RBM43: variants seen among roughly 807,000 people sequenced by gnomAD.
RBM43 encodes the protein RNA binding motif protein 43.
In RBM43, 12 loss-of-function variants were observed where a neutral mutation model predicts 12.4. The ratio of observed to expected loss-of-function variants is 0.97; its 90% CI spans 0.62 to 1.57. The LOEUF (loss-of-function observed/expected upper bound fraction) is 1.57. Ranked by LOEUF, RBM43 falls within the 40% of genes most tolerant of loss-of-function variation. The pLI is 0.00. For missense variants in RBM43, 348 were observed against 400.1 expected (o/e 0.87, Z 1.11); for synonymous variants, 138 against 145.7 (o/e 0.95, Z 0.38).
chr2:151,260,109 T>A (rs403411), intron 1 of RBM43, among the ~76,000 whole-genome samples: 10 of 150,926 alleles, frequency 6.6e-5, no homozygotes, highest in South Asian at 2.1e-4. Flanking sequence ...CGTGATCCGC[T>A]CCCCCCTCGG....
chr2:151,253,231 C>T (rs1345493182), intron 2 of RBM43, among the ~76,000 whole-genome samples: 1 of 152,142 alleles, frequency 6.6e-6, no homozygotes, highest in African/African-American at 2.4e-5. Flanking sequence ...CTTCCTAATC[C>T]TCCTCTCTTC....
At position 151,251,396 on chromosome 2, in the gene RBM43, T is replaced by A. The variant is rs770893916; in HGVS notation, c.584A>T (p.Asn195Ile). Residue 195 changes from asparagine to isoleucine, a missense_variant, in exon 4 of 4, where the codon AAT (asparagine) becomes ATT (isoleucine). By Grantham distance (149) the Asn-to-Ile change is moderately radical (BLOSUM62 -3). Transcript: ENST00000331426. ...CAAAGAGTTATTACTTCTCTGTAGATTCCTCTGGGGATTTTGTCTATTCCA... is the reference window on the plus strand; with the variant it reads ...CAAAGAGTTATTACTTCTCTGTAGAATCCTCTGGGGATTTTGTCTATTCCA... Reference protein sequence around the residue: ...RKWNRQNPQRNLQRSNNSLAS... With the variant: ...RKWNRQNPQRILQRSNNSLAS... The A allele has an allele frequency of 6.2e-7, 1 of 1,614,238 alleles. No individual in the cohort carries two copies. The highest frequency in any genetic ancestry group is 1.1e-5 in the South Asian group (1 of 91,090).
chr2:151,261,613 G>A, intron 1 of RBM43, 112 bp downstream of exon 1: 3 of 1,541,542 alleles, frequency 1.9e-6, no homozygotes, highest in Non-Finnish European at 2.6e-6. Flanking sequence ...GCCCCCTCCC[G>A]CGCAGCCCTG....
At position 151,255,762 on chromosome 2, in the gene RBM43, G is replaced by A. The variant is rs1221231286; in HGVS notation, c.4-19C>T. 3 of 1,550,012 alleles carry A rather than the reference G, an allele frequency of 1.9e-6. No homozygotes were observed. Among genetic ancestry groups the A allele is most frequent in the East Asian group, 2.2e-5 (1 of 44,542 alleles). ...CTGATGCCTGTAAGAGAAACAGCAG[G>A]TTATTCTTTAAAAACACAAGACTCT... is the stretch of plus-strand genomic sequence containing the variant. On this transcript the variant is annotated intron_variant, in intron 1 of 3. Coordinates refer to ENST00000331426, the MANE Select transcript of RBM43 (RefSeq NM_198557.3).
At chr2:151,259,076 G>A (rs926060292) in intron 1 of RBM43, among the ~76,000 whole-genome samples, 2 of 151,904 alleles carry the variant, frequency 1.3e-5, no homozygotes, top group African/African-American at 4.8e-5. Flanking sequence ...CTGGGAGGTA[G>A]AGGTTATAGT....
chr2:151,251,839 T>C (rs545437185), intron 3 of RBM43, among the ~76,000 whole-genome samples, 175 bp from the exon 4 acceptor site: 1 of 152,342 alleles, frequency 6.6e-6, no homozygotes, highest in African/African-American at 2.4e-5. Flanking sequence ...AGTTATCCCA[T>C]TTTGTTCAAT....
intron 1 of RBM43, among the ~76,000 whole-genome samples, chr2:151,260,343 C>T (rs564763133): frequency 1.5e-4 from 23 of 152,102 alleles, no homozygotes; most frequent in African/African-American, 5.3e-4. Context: ...CGCCCTCCTT[C>T]GCCTCCCAAA....
chr2:151,255,788 A>G (rs1418890605), intron 1 of RBM43, 45 bp from the exon 2 acceptor site: 1 of 1,328,410 alleles, frequency 7.5e-7, no homozygotes, highest in Admixed American at 1.7e-5. Context: ...ACAAGACTCT[A>G]TATAATAAAG....
chr2:151,259,138 C>CA (rs10671212), intron 1 of RBM43, among the ~76,000 whole-genome samples: 5,873 of 140,214 alleles, frequency 0.042, 350 homozygotes, highest in African/African-American at 0.14. Context: ...ACTTCGTCCC[C>CA]AAAAAAAAAA....
intron 1 of RBM43, among the ~76,000 whole-genome samples, chr2:151,256,025 G>A (rs1217107254): frequency 6.6e-6 from 1 of 152,116 alleles, no homozygotes; most frequent in Non-Finnish European, 1.5e-5. Flanking sequence ...GCAGTGGTAT[G>A]ATCTCAGCTC....
Position 151,257,647 on chromosome 2 carries a change from C to T in RBM43, c.4-1904G>A, listed in dbSNP as rs538527684. Among the ~76,000 whole-genome samples, 16 of 151,730 alleles carry T rather than the reference C, an allele frequency of 1.1e-4. No homozygotes were observed. The East Asian group carries it at 1.2e-3, about 11-fold the overall frequency. ...GGCGGAGGTTGGGGTGAGCCGAGAT[C>T]GCCCCATTTCACTCCATCCTGGGCA... On this transcript the variant is annotated intron_variant, in intron 1 of 3. Transcript: ENST00000331426.
intron 1 of RBM43, chr2:151,261,122 C>G: frequency 9.2e-7 from 1 of 1,092,294 alleles, no homozygotes; most frequent in Non-Finnish European, 1.3e-6. Flanking sequence ...AAAGGCCTTG[C>G]CAAGGCTTTT....
intron 1 of RBM43, among the ~76,000 whole-genome samples, chr2:151,257,347 C>T (rs1463975599): frequency 6.6e-6 from 1 of 152,204 alleles, no homozygotes; most frequent in Admixed American, 6.5e-5. Context: ...CACACACACA[C>T]ACACAGTGTC....
rs781517514 is a variant in RBM43, at chr2:151,250,914, C to A, written c.1066G>T (p.Val356Phe). 9 of 1,590,474 alleles carry A rather than the reference C, an allele frequency of 5.7e-6. No homozygotes were observed. The highest frequency in any genetic ancestry group is 1.7e-6 in the Non-Finnish European group (2 of 1,168,954). Residue 356 changes from valine (V) to phenylalanine (F), a missense_variant, in exon 4 of 4, where the codon GTT becomes TTT. Coordinates refer to ENST00000331426, the MANE Select transcript of RBM43 (RefSeq NM_198557.3). ...ATATTGCTGAGATTTTATTAACTAA[C>A]CTTTTGCCCTATTAATTTCATGACC... is the stretch of plus-strand genomic sequence containing the variant. ...KGVMKLIGQK[V>F]S
chr2:151,257,817 C>T (rs1682994124), intron 1 of RBM43, among the ~76,000 whole-genome samples: 1 of 152,214 alleles, frequency 6.6e-6, no homozygotes, highest in Non-Finnish European at 1.5e-5. Flanking sequence ...CGCCTGTAAT[C>T]CCAGCACTTT....
chr2:151,251,040 C>T lies in RBM43; in HGVS notation c.940G>A (p.Glu314Lys). The T allele has an allele frequency of 6.2e-7, 1 of 1,614,058 alleles. No individual in the cohort carries two copies. Among genetic ancestry groups the T allele is most frequent in the Non-Finnish European group, 8.5e-7 (1 of 1,179,948 alleles). The change falls in exon 4 of 4, where the codon GAA becomes AAA. Residue 314 changes from glutamate to lysine, a missense_variant. By Grantham distance (56) the Glu-to-Lys change is moderately conservative (BLOSUM62 1). Transcript: ENST00000331426. ...TCAAGGTATCTCGAACTTAATTGTT[C>T]ACATGCCCTTTTGATCATTCTTTTC... ...REKRMIKRAC[E>K]QLSSRYLEVL... is the part of the protein sequence containing the mutation.
chr2:151,260,924 T>C (rs942013358), intron 1 of RBM43: 5 of 299,650 alleles, frequency 1.7e-5, no homozygotes, highest in Non-Finnish European at 3.3e-5. Flanking sequence ...AAAAAGTATA[T>C]AGCAAAACTT....
At chr2:151,256,818 A>T (rs1682981729) in intron 1 of RBM43, among the ~76,000 whole-genome samples, 2 of 152,150 alleles carry the variant, frequency 1.3e-5, no homozygotes, top group South Asian at 4.1e-4. Context: ...TCTGTTTCTA[A>T]ATAAATAAAT....
At position 151,261,728 on chromosome 2, in the gene RBM43, G is replaced by T. The variant is rs200872431; in HGVS notation, c.-1C>A. On this transcript the variant is annotated 5_prime_UTR_variant, in exon 1 of 4. Transcript: ENST00000331426. ...ACCCAAAGCAAAAGCAACTTGCCAT[G>T]GCGGAGGGGAGACGCGCCCTCAGCG... 1.3e-5 allele frequency: 21 copies of T among 1,602,402 alleles called. No individual in the cohort carries two copies. In the East Asian group the frequency reaches 4.7e-4, roughly 36 times the overall value.
Sources: gnomAD v4.1 joint callset for allele counts (sites outside exome capture counted in the v4.1 genomes callset) on GRCh38, gnomAD v4.1.1 for gene constraint, MANE v1.5 for transcripts, NCBI Gene and HGNC (gene_info 2026-07-23, HGNC 2026-07-21) for gene names.